Variants in ACSS1 observed in about 807,000 individuals in gnomAD.
The protein encoded by ACSS1 is acetyl-coenzyme A synthetase 2-like, mitochondrial.
In ACSS1, 42 loss-of-function variants were observed where a neutral mutation model predicts 75.3. The observed-to-expected ratio is 0.56, with a 90% CI of 0.44 to 0.72. ACSS1 has a LOEUF of 0.72. ACSS1 is among the 30% of genes least tolerant of loss of function. The pLI is 0.00. For synonymous variants in ACSS1, 380 were observed against 376.8 expected, an observed-to-expected ratio of 1.01 and a Z score of -0.10; for missense variants, 782 against 935.7, an observed-to-expected ratio of 0.84 and a Z score of 2.14.
intron 3 of ACSS1, among the ~76,000 whole-genome samples, chr20:25,026,580 A>C (rs2088722970): frequency 1.3e-5 from 2 of 152,210 alleles, no homozygotes; most frequent in South Asian, 4.1e-4. Context: ...ATGGAGCAGA[A>C]AACAGCCATT....
At chr20:25,009,518 A>C in intron 12 of ACSS1, 130 bp from the exon 13 acceptor site, 1 of 745,820 alleles carries the variant, frequency 1.3e-6, no homozygotes, top group Admixed American at 2.3e-5. Context: ...ACATTGTAGC[A>C]GCTGGTTTCT....
At chr20:25,018,598 C>T (rs369941631) in intron 7 of ACSS1, among the ~76,000 whole-genome samples, 6 of 152,298 alleles carry the variant, frequency 3.9e-5, no homozygotes, top group African/African-American at 1.2e-4. Context: ...TGCTGAGTGA[C>T]CTCAGGCCGG....
intron 13 of ACSS1, 61 bp from the exon 14 acceptor site, chr20:25,008,002 G>T: frequency 6.4e-7 from 1 of 1,567,466 alleles, no homozygotes; most frequent in Non-Finnish European, 8.7e-7. Flanking sequence ...TGCTAGCGTG[G>T]ACTGCATTAA....
intron 1 of ACSS1, among the ~76,000 whole-genome samples, chr20:25,055,482 C>T (rs550973236): frequency 1.3e-5 from 2 of 152,316 alleles, no homozygotes; most frequent in Admixed American, 1.3e-4. Context: ...GGACACTAAT[C>T]CCAATTCTGT....
intron 8 of ACSS1, among the ~76,000 whole-genome samples, 162 bp downstream of exon 8, chr20:25,014,976 C>T (rs567807129): frequency 6.6e-6 from 1 of 152,350 alleles, no homozygotes; most frequent in East Asian, 1.9e-4. Flanking sequence ...GCCAGGCGAC[C>T]TCTGAGTTCC....
At chr20:25,037,814 G>A (rs546548867) in intron 2 of ACSS1, among the ~76,000 whole-genome samples, 3 of 152,286 alleles carry the variant, frequency 2.0e-5, no homozygotes, top group African/African-American at 7.2e-5. Context: ...CCAGGCCTGG[G>A]GAACAGACTC....
At position 25,006,754 on chromosome 20, in the gene ACSS1, C is replaced by T; in HGVS notation, c.*1008G>A. The T allele has an allele frequency of 7.0e-7, 1 of 1,425,016 alleles. No homozygotes were observed. The highest frequency in any genetic ancestry group is 1.4e-5 in the African/African-American group (1 of 70,064). 88.3% of individuals were successfully genotyped at this position (1,425,016 alleles called of 1,614,324 possible). A position where few individuals can be genotyped will look rare whatever the true frequency, so the allele number is the denominator to read the frequency against. On this transcript the variant is annotated 3_prime_UTR_variant, in exon 14 of 14. Transcript: ENST00000323482. ...TAAGTCACATTAAAACAAAGAGAGA[C>T]TGGATCCAGACCTCCAAGTCTCATC...
chr20:25,008,968 C>T (rs1402143925), intron 13 of ACSS1, among the ~76,000 whole-genome samples: 1 of 152,144 alleles, frequency 6.6e-6, no homozygotes, highest in African/African-American at 2.4e-5. Context: ...TAGGTGGCCT[C>T]CCAGACATGT....
At position 25,030,861 on chromosome 20, in the gene ACSS1, A is replaced by T. The variant is rs1308492612; in HGVS notation, c.529T>A (p.Leu177Met). 1.2e-6 allele frequency: 2 copies of T among 1,614,102 alleles called. No individual in the cohort carries two copies. The highest frequency in any genetic ancestry group is 1.3e-5 in the African/African-American group (1 of 74,944). ...CAGGCCAGCATTGCTGCCACAGCCA[A>T]TGGGGACACGGGCATGTAGATGGCA... ...RVAIYMPVSP[L>M]AVAAMLACAR... Residue 177 changes from leucine to methionine, a missense_variant, in exon 3 of 14, where the codon TTG becomes ATG. This residue lies in a region of ACSS1 where 377 missense variants were observed against 383.1 expected (regional missense o/e 0.98). Coordinates refer to ENST00000323482, the MANE Select transcript of ACSS1 (RefSeq NM_032501.4).
At chr20:25,041,851 T>C (rs921563108) in intron 2 of ACSS1, among the ~76,000 whole-genome samples, 3 of 152,228 alleles carry the variant, frequency 2.0e-5, no homozygotes, top group Non-Finnish European at 4.4e-5. Context: ...TTTGAACAGC[T>C]GTGGTGGCCA....
At chr20:25,015,564 T>C (rs910838128) in intron 7 of ACSS1, among the ~76,000 whole-genome samples, 1 of 152,206 alleles carries the variant, frequency 6.6e-6, no homozygotes, top group Admixed American at 6.5e-5. Context: ...CCCAAAGTGC[T>C]GGGGTTACAG....
chr20:25,013,784 C>A, intron 9 of ACSS1, 122 bp from the exon 10 acceptor site: 3 of 1,400,672 alleles, frequency 2.1e-6, no homozygotes, highest in Non-Finnish European at 2.9e-6. Context: ...CTGAGGAGGG[C>A]CCCAAGCCAC....
At chr20:25,049,060 T>A (rs959013401) in intron 1 of ACSS1, among the ~76,000 whole-genome samples, 12 of 152,208 alleles carry the variant, frequency 7.9e-5, no homozygotes, top group African/African-American at 2.2e-4. Flanking sequence ...GGGTCACCCC[T>A]GTAGCCTGTT....
At chr20:25,053,010 C>T (rs971683978) in intron 1 of ACSS1, among the ~76,000 whole-genome samples, 1 of 151,992 alleles carries the variant, frequency 6.6e-6, no homozygotes, top group Non-Finnish European at 1.5e-5. Flanking sequence ...GAAAGTGGAA[C>T]CCAGCATACA....
Position 25,020,074 on chromosome 20 carries a change from C to A in ACSS1, c.1182G>T (p.Leu394Phe). The change falls in exon 7 of 14, where the codon TTG (leucine) becomes TTT (phenylalanine). Residue 394 changes from leucine to phenylalanine, a missense_variant. Coordinates refer to ENST00000323482, the MANE Select transcript of ACSS1 (RefSeq NM_032501.4). ...TCACCCAGGCATCACCGTATTTCAG[C>A]AACAGCCGGACAGCCGTTGGGGCGC... ...FYGAPTAVRL[L>F]LKYGDAWVKK... The A allele has an allele frequency of 6.2e-7, 1 of 1,614,264 alleles. No individual in the cohort carries two copies. The highest frequency in any genetic ancestry group is 1.7e-5 in the Admixed American group (1 of 60,034).
In ACSS1 at chr20:25,021,180, C is replaced by A. The variant is rs149875518; in HGVS notation, c.1108+209G>T. ...AGGGGCCTTGAGATGTCCTCCAGCA[C>A]CAAGTCAGACTCCCTGCTGCTGCCT... is the stretch of plus-strand genomic sequence containing the variant. On this transcript the variant is annotated intron_variant, in intron 6 of 13. Coordinates refer to ENST00000323482, the MANE Select transcript of ACSS1 (RefSeq NM_032501.4). Among the ~76,000 whole-genome samples, 34 of 152,344 alleles carry A rather than the reference C, an allele frequency of 2.2e-4. No homozygotes were observed. In the Middle Eastern group the frequency reaches 0.014, roughly 61 times the overall value.
At chr20:25,043,816 G>A (rs1321559342) in intron 2 of ACSS1, among the ~76,000 whole-genome samples, 1 of 152,218 alleles carries the variant, frequency 6.6e-6, no homozygotes, top group East Asian at 1.9e-4. Context: ...GAATACTGGG[G>A]CCATTGAATC....
At position 25,023,028 on chromosome 20, in the gene ACSS1, A is replaced by G; in HGVS notation, c.872T>C (p.Met291Thr). The change falls in exon 5 of 14, where the codon ATG becomes ACG. Residue 291 changes from methionine to threonine, a missense_variant. By Grantham distance (81) the Met-to-Thr change is moderately conservative (BLOSUM62 -1). Coordinates refer to ENST00000323482, the MANE Select transcript of ACSS1 (RefSeq NM_032501.4). ...ESMGSEDMLFMLYTSGSTGMP... is the reference protein window; with the variant it reads ...ESMGSEDMLFTLYTSGSTGMP... ...TCCGGTGCTCCCTGAGGTGTACAGC[A>G]TGAAGAGCATGTCCTCACTGCCCAT... is the stretch of plus-strand genomic sequence containing the variant. The G allele has an allele frequency of 2.5e-6, 4 of 1,614,138 alleles. No homozygotes were observed. Among genetic ancestry groups the G allele is most frequent in the Non-Finnish European group, 3.4e-6 (4 of 1,180,024 alleles).
intron 3 of ACSS1, among the ~76,000 whole-genome samples, chr20:25,025,931 C>T (rs1459134045): frequency 2.0e-5 from 3 of 152,146 alleles, no homozygotes; most frequent in African/African-American, 7.2e-5. Flanking sequence ...TGTGCAAAGT[C>T]TTTCACCATG....
Sources: allele counts gnomAD v4.1 joint callset (sites outside exome capture counted in the v4.1 genomes callset), GRCh38; gene constraint gnomAD v4.1.1; regional missense constraint gnomAD v4.1.1; transcripts MANE v1.5; gene names NCBI Gene and HGNC (gene_info 2026-07-23, HGNC 2026-07-21).